The following KCNAB1 variants were observed in gnomAD, a reference collection of about 807,000 sequenced individuals.
The protein encoded by KCNAB1 is potassium voltage-gated channel subfamily A regulatory beta subunit 1, also known as voltage-gated potassium channel subunit beta-1.
Under a neutral mutation model 64.6 loss-of-function variants are expected in KCNAB1, and 35 were observed. The ratio of observed to expected loss-of-function variants is 0.54; its 90% CI spans 0.41 to 0.72. The LOEUF (loss-of-function observed/expected upper bound fraction) is 0.72, where lower values mean the gene tolerates loss of function less well. Among genes scored for constraint, KCNAB1 ranks in the 30% least tolerant of loss-of-function variants. The probability of loss-of-function intolerance (pLI) is 0.00; values close to 1 mark genes in which losing one functional copy is unlikely to be tolerated. For missense variants in KCNAB1, 401 were observed against 512.9 expected, an observed-to-expected ratio of 0.78 and a Z score of 2.11; for synonymous variants, 177 against 183.8, an observed-to-expected ratio of 0.96 and a Z score of 0.30.
chr3:156,252,825 G>A (rs575234691), intron 1 of KCNAB1, among the ~76,000 whole-genome samples: 5 of 152,254 alleles, frequency 3.3e-5, no homozygotes, highest in African/African-American at 7.2e-5. Context: ...GCTTTCCAAC[G>A]CGCATTGTCT....
chr3:156,377,963 T>A (rs1711821410), intron 1 of KCNAB1, among the ~76,000 whole-genome samples: 1 of 152,032 alleles, frequency 6.6e-6, no homozygotes, highest in Non-Finnish European at 1.5e-5. Flanking sequence ...AGTGTAAGTC[T>A]CCGGGGAGGT....
At chr3:156,514,297 A>C in intron 8 of KCNAB1, 67 bp from the exon 9 acceptor site, 2 of 1,172,960 alleles carry the variant, frequency 1.7e-6, no homozygotes, top group Non-Finnish European at 2.6e-6. Context: ...TGGCTAGAGG[A>C]GTAAAAATCG....
chr3:156,332,072 C>T (rs754984585), intron 1 of KCNAB1, among the ~76,000 whole-genome samples: 4 of 152,050 alleles, frequency 2.6e-5, no homozygotes, highest in Non-Finnish European at 4.4e-5. Flanking sequence ...TAACTTGATG[C>T]AATACTCTTG....
At chr3:156,219,947 T>C (rs1715601330) in intron 1 of KCNAB1, among the ~76,000 whole-genome samples, 1 of 150,774 alleles carries the variant, frequency 6.6e-6, no homozygotes, top group African/African-American at 2.4e-5. Context: ...GACTCCCACC[T>C]GTGAGTGAGA....
intron 1 of KCNAB1, among the ~76,000 whole-genome samples, chr3:156,308,063 T>TA (rs755174914): frequency 2.0e-5 from 3 of 152,170 alleles, no homozygotes; most frequent in Non-Finnish European, 4.4e-5. Context: ...GCTATGAAGA[T>TA]AAGCTGAGCA....
chr3:156,460,234 T>C, intron 5 of KCNAB1: 1 of 192,854 alleles, frequency 5.2e-6, no homozygotes, highest in Non-Finnish European at 1.0e-5. Context: ...CACATGCATT[T>C]ATGTTTGCTG....
At chr3:156,406,609 A>G (rs1284265573) in intron 1 of KCNAB1, among the ~76,000 whole-genome samples, 1 of 152,174 alleles carries the variant, frequency 6.6e-6, no homozygotes. Flanking sequence ...TAGTGATGGG[A>G]TGCTAATCTC....
intron 1 of KCNAB1, among the ~76,000 whole-genome samples, chr3:156,215,204 C>T (rs565121945): frequency 1.3e-5 from 2 of 152,146 alleles, no homozygotes; most frequent in African/African-American, 4.8e-5. Flanking sequence ...AGTTAGGTAA[C>T]TTGCAGAATG....
chr3:156,242,380 G>A (rs1197360704), intron 1 of KCNAB1, among the ~76,000 whole-genome samples: 1 of 151,894 alleles, frequency 6.6e-6, no homozygotes, highest in East Asian at 1.9e-4. Flanking sequence ...TGAGACTTTG[G>A]GGTACCTGTC....
At position 156,534,326 on chromosome 3, in the gene KCNAB1, A is replaced by T. The variant is rs1718901726; in HGVS notation, c.1171-2332A>T. 2.0e-5 allele frequency among the ~76,000 whole-genome samples: 3 copies of T among 152,154 alleles called. No individual in the cohort carries two copies. In the South Asian group the frequency reaches 6.2e-4, roughly 32 times the overall value. On this transcript the variant is annotated intron_variant, in intron 13 of 13. Transcript: ENST00000490337. ...GTGCAGGAACGAAGGGGCGTATATA[A>T]ATCAGAGCCTGACAGATGGGAGAGA...
upstream of KCNAB1, chr3:156,118,234 C>T: frequency 2.4e-6 from 1 of 416,594 alleles, no homozygotes; most frequent in South Asian, 1.8e-5. Flanking sequence ...TTGGCTGGGA[C>T]CACAGTCATC....
chr3:156,149,976 T>C (rs1478250370), intron 1 of KCNAB1, among the ~76,000 whole-genome samples: 3 of 152,096 alleles, frequency 2.0e-5, no homozygotes, highest in Non-Finnish European at 2.9e-5. Context: ...CCTAGAAAAA[T>C]GCTACTCATG....
At chr3:156,221,782 C>T (rs555573790) in intron 1 of KCNAB1, among the ~76,000 whole-genome samples, 17 of 147,630 alleles carry the variant, frequency 1.2e-4, no homozygotes, top group Admixed American at 2.7e-4. Context: ...CCATCCCCCC[C>T]CGCCAAAAAA....
intron 1 of KCNAB1, among the ~76,000 whole-genome samples, chr3:156,363,564 C>T (rs1725748397): frequency 1.3e-5 from 2 of 152,138 alleles, no homozygotes; most frequent in South Asian, 2.1e-4. Context: ...CAACCTCTGC[C>T]TCCTGGGTTC....
intron 1 of KCNAB1, among the ~76,000 whole-genome samples, chr3:156,315,019 A>G (rs1722183532): frequency 6.6e-6 from 1 of 152,222 alleles, no homozygotes; most frequent in Admixed American, 6.5e-5. Flanking sequence ...ATCTAAAAAA[A>G]AAATTATATT....
chr3:156,136,967 A>G (rs1460827145), intron 1 of KCNAB1, among the ~76,000 whole-genome samples: 1 of 152,128 alleles, frequency 6.6e-6, no homozygotes, highest in Non-Finnish European at 1.5e-5. Flanking sequence ...CAAACCCTCT[A>G]TGCCAAGGTA....
intron 8 of KCNAB1, among the ~76,000 whole-genome samples, chr3:156,475,250 C>G (rs772063215): frequency 1.3e-5 from 2 of 152,152 alleles, no homozygotes; most frequent in Admixed American, 1.3e-4. Flanking sequence ...GTGGTGCCAC[C>G]AGCAGGGATT....
intron 1 of KCNAB1, among the ~76,000 whole-genome samples, chr3:156,210,746 CCCTGGGAGTGGGCTGGGACTGTA>C (rs1323086314): frequency 6.6e-6 from 1 of 152,216 alleles, no homozygotes; most frequent in Non-Finnish European, 1.5e-5. Flanking sequence ...CCACAGGGTT[CCCTGGGAGTGGGCTGGGACTGTA>C]CCTGGCAGGC....
intron 8 of KCNAB1, among the ~76,000 whole-genome samples, chr3:156,514,004 A>G (rs1236108566): frequency 1.3e-5 from 2 of 152,136 alleles, no homozygotes; most frequent in Non-Finnish European, 2.9e-5. Context: ...CTTACTTCTC[A>G]CTTTAGTCGG....
Sources: allele counts gnomAD v4.1 joint callset (sites outside exome capture counted in the v4.1 genomes callset), GRCh38; gene constraint gnomAD v4.1.1; transcripts MANE v1.5; gene names NCBI Gene and HGNC (gene_info 2026-07-23, HGNC 2026-07-21).